The following WDR88 variants were observed in gnomAD, a reference collection of about 807,000 sequenced individuals.
The protein encoded by WDR88 is WD repeat domain 88.
Under a neutral mutation model 46.8 loss-of-function variants are expected in WDR88, and 40 were observed. That is an observed-to-expected ratio of 0.86 (90% CI 0.66 to 1.11). The LOEUF (loss-of-function observed/expected upper bound fraction) is 1.11, where lower values mean the gene tolerates loss of function less well. WDR88 is among the 50% of genes most tolerant of loss of function. The pLI is 0.00. For missense variants in WDR88, 562 were observed against 602.4 expected (o/e 0.93, Z 0.70); for synonymous variants, 235 against 240.7 (o/e 0.98, Z 0.22).
At chr19:33,132,533 C>T (rs890590114) in intron 1 of WDR88, 88 bp downstream of exon 1, 55 of 1,543,528 alleles carry the variant, frequency 3.6e-5, no homozygotes, top group Middle Eastern at 1.9e-4. Flanking sequence ...CCATGGAAAA[C>T]CCACCTGGCT....
In WDR88 at chr19:33,156,458, G is replaced by A. The variant is rs201210259; in HGVS notation, c.913G>A (p.Gly305Arg). The A allele has an allele frequency of 1.2e-6, 2 of 1,614,042 alleles. No homozygotes were observed. Among genetic ancestry groups the A allele is most frequent in the African/African-American group, 2.7e-5 (2 of 74,926 alleles). The change falls in exon 7 of 11, where the codon GGG becomes AGG. Residue 305 changes from glycine (G) to arginine (R), a missense_variant. Coordinates refer to ENST00000355868, the MANE Select transcript of WDR88 (RefSeq NM_173479.4). ...KNLKIWNVHT[G>R]EFRNCGACVT... is the part of the protein sequence containing the mutation. ...CTTAAAAATATGGAACGTCCACACA[G>A]GGGAGTTTCGAAACTGTGGAGCCTG...
At chr19:33,148,646 C>A (rs1973568658) in intron 4 of WDR88, 126 bp from the exon 5 acceptor site, 1 of 1,168,508 alleles carries the variant, frequency 8.6e-7, no homozygotes, top group Admixed American at 2.1e-5. Flanking sequence ...TGCATGTTTC[C>A]CAGGCTAGTC....
intron 7 of WDR88, among the ~76,000 whole-genome samples, chr19:33,159,335 AAAATAAATAAATAAATAAAT>A (rs71176202): frequency 1.9e-4 from 27 of 142,770 alleles, no homozygotes; most frequent in African/African-American, 6.2e-4. Context: ...CTTATCTCTA[AAAATAAATAAATAAATAAAT>A]AAATAAATAA....
intron 1 of WDR88, among the ~76,000 whole-genome samples, chr19:33,135,367 A>G (rs945395412): frequency 6.6e-6 from 1 of 152,170 alleles, no homozygotes; most frequent in East Asian, 1.9e-4. Flanking sequence ...AGCCTGTAGC[A>G]GTGCTCCCTT....
chr19:33,167,344 T>G (rs1253306230), intron 9 of WDR88, among the ~76,000 whole-genome samples: 3 of 152,024 alleles, frequency 2.0e-5, no homozygotes, highest in Non-Finnish European at 4.4e-5. Context: ...GAAAAGGCAT[T>G]TGAAAAAATT....
At chr19:33,139,399 G>A (rs1466640725) in intron 2 of WDR88, among the ~76,000 whole-genome samples, 4 of 152,246 alleles carry the variant, frequency 2.6e-5, no homozygotes, top group African/African-American at 9.6e-5. Context: ...CTGTGTGGCT[G>A]GGGCTGGGAC....
At chr19:33,140,407 G>A (rs912995864) in intron 2 of WDR88, among the ~76,000 whole-genome samples, 2 of 152,096 alleles carry the variant, frequency 1.3e-5, no homozygotes, top group Non-Finnish European at 2.9e-5. Context: ...CAATCCTCCC[G>A]CCTCAGCTTC....
Position 33,132,375 on chromosome 19 carries a change from C to T in WDR88, c.206C>T (p.Pro69Leu), listed in dbSNP as rs1225536837. The T allele has an allele frequency of 3.7e-6, 6 of 1,614,090 alleles. No individual in the cohort carries two copies. The highest frequency in any genetic ancestry group is 5.1e-6 in the Non-Finnish European group (6 of 1,180,050). The change falls in exon 1 of 11, where the codon CCG becomes CTG. Residue 69 changes from proline to leucine, a missense_variant. Transcript: ENST00000355868. ...CTGGCCTTGGACAGGGAACCACCAC[C>T]GCATCTGTTGCCTGAGAAGCACCAG... ...DPLALDREPPPHLLPEKHQVP... is the reference protein window; with the variant it reads ...DPLALDREPPLHLLPEKHQVP...
At chr19:33,138,747 G>A (rs893873820) in intron 2 of WDR88, among the ~76,000 whole-genome samples, 14 of 142,042 alleles carry the variant, frequency 9.9e-5, no homozygotes, top group Non-Finnish European at 2.1e-4. Flanking sequence ...ATAGTGCCAC[G>A]ATCTCGGCTC....
chr19:33,169,796 G>A (rs1341802870), intron 9 of WDR88, among the ~76,000 whole-genome samples: 1 of 152,048 alleles, frequency 6.6e-6, no homozygotes, highest in Non-Finnish European at 1.5e-5. Context: ...TGAAAGACCA[G>A]GTATTTGTCA....
chr19:33,172,207 C>T lies in WDR88; in HGVS notation c.1150-141C>T. On this transcript the variant is annotated intron_variant, in intron 9 of 10. Transcript: ENST00000355868. ...CTCTGTAGCCTCTTCAGGTTGGCTT[C>T]TATGGCATAACAATGTGCATTGAAG... is the stretch of plus-strand genomic sequence containing the variant. 2.8e-5 allele frequency: 19 copies of T among 677,820 alleles called. No homozygotes were observed. The South Asian group carries it at 3.8e-4, about 14-fold the overall frequency. The allele number at this position is 677,820 out of a possible 1,614,324, so 42.0% of individuals were successfully genotyped here.
intron 7 of WDR88, among the ~76,000 whole-genome samples, chr19:33,158,564 G>C (rs1319185075): frequency 6.6e-6 from 1 of 152,148 alleles, no homozygotes; most frequent in Non-Finnish European, 1.5e-5. Flanking sequence ...CACTTTCAAG[G>C]TCACTCACAG....
Position 33,134,850 on chromosome 19 carries a change from C to G in WDR88, c.276+2405C>G, listed in dbSNP as rs978658225. 5.4e-3 allele frequency among the ~76,000 whole-genome samples: 759 copies of G among 139,796 alleles called. 13 individuals are homozygous for G. Among genetic ancestry groups the G allele is most frequent in the African/African-American group, 0.018 (717 of 39,002 alleles). 91.7% of individuals were successfully genotyped at this position (139,796 alleles called of 152,430 possible). A position where few individuals can be genotyped will look rare whatever the true frequency, so the allele number is the denominator to read the frequency against. On this transcript the variant is annotated intron_variant, in intron 1 of 10. Transcript: ENST00000355868. ...CTGCACGTCCCCGACACCCCCCCCC[C>G]CGCCCCGCATCACCTGCAACCGGAA...
intron 1 of WDR88, among the ~76,000 whole-genome samples, chr19:33,137,311 T>C (rs1004772172): frequency 6.6e-6 from 1 of 150,442 alleles, no homozygotes; most frequent in Non-Finnish European, 1.5e-5. Flanking sequence ...TGGAGTGCAG[T>C]GGTGCAATCT....
Position 33,172,436 on chromosome 19 carries a change from A to C in WDR88, c.1238A>C (p.Lys413Thr). ...AAAAAGGCCGTGGGCTTAAAGTTGAAACAGGTTGGTATTGGGTAAAATTAA... is the reference window on the plus strand; with the variant it reads ...AAAAAGGCCGTGGGCTTAAAGTTGACACAGGTTGGTATTGGGTAAAATTAA... Reference protein sequence around the residue: ...KYKKAVGLKLKQCERCDRPFS... With the variant: ...KYKKAVGLKLTQCERCDRPFS... Residue 413 changes from lysine to threonine, a missense_variant, in exon 10 of 11, where the codon AAA (lysine) becomes ACA (threonine). By Grantham distance (78) the Lys-to-Thr change is moderately conservative. Transcript: ENST00000355868. 1 of 1,613,754 alleles carries C rather than the reference A, an allele frequency of 6.2e-7. No homozygotes were observed. The highest frequency in any genetic ancestry group is 8.5e-7 in the Non-Finnish European group (1 of 1,179,772).
intron 10 of WDR88, chr19:33,174,582 G>A (rs1021354940): frequency 7.1e-5 from 70 of 983,578 alleles, no homozygotes; most frequent in Non-Finnish European, 8.5e-5. Flanking sequence ...AGGGACGCAG[G>A]AGGGCACCTA....
rs773889161 is a variant in WDR88 at position 33,175,385 on chromosome 19, T to C, written c.1243-11T>C. On this transcript the variant is annotated splice_polypyrimidine_tract_variant and intron_variant, in intron 10 of 10. Transcript: ENST00000355868. ...ACCTCCTTTCTGCTCTTTTAAAATATCCCATGTCAGTGCGAAAGATGTGAC... is the reference window on the plus strand; with the variant it reads ...ACCTCCTTTCTGCTCTTTTAAAATACCCCATGTCAGTGCGAAAGATGTGAC... 4 of 1,613,790 alleles carry C rather than the reference T, an allele frequency of 2.5e-6. No homozygotes were observed. The highest frequency in any genetic ancestry group is 4.5e-5 in the East Asian group (2 of 44,878).
chr19:33,165,709 G>A (rs1390252949), intron 9 of WDR88, among the ~76,000 whole-genome samples: 1 of 150,262 alleles, frequency 6.7e-6, no homozygotes, highest in African/African-American at 2.4e-5. Context: ...CCTGGCCAAC[G>A]TGGTGAAGCC....
intron 3 of WDR88, 82 bp from the exon 4 acceptor site, chr19:33,147,563 A>G: frequency 7.2e-7 from 1 of 1,386,516 alleles, no homozygotes; most frequent in South Asian, 1.2e-5. Flanking sequence ...GTATTGCACC[A>G]CTGCACTCCA....
Sources: gnomAD v4.1 joint callset for allele counts (sites outside exome capture counted in the v4.1 genomes callset) on GRCh38, gnomAD v4.1.1 for gene constraint, MANE v1.5 for transcripts, NCBI Gene and HGNC (gene_info 2026-07-23, HGNC 2026-07-21) for gene names.